ZNF280D: variants seen among roughly 807,000 people sequenced by gnomAD.
The protein encoded by ZNF280D is suppressor of hairy wing homolog 4.
Under a neutral mutation model 94.7 loss-of-function variants are expected in ZNF280D, and 39 were observed. The observed-to-expected ratio is 0.41, with a 90% CI of 0.32 to 0.54. The LOEUF is 0.54. ZNF280D is among the 20% of genes least tolerant of loss of function. The pLI is 0.22. For missense variants in ZNF280D, 1,090 were observed against 1,149.3 expected (o/e 0.95, Z 0.75); for synonymous variants, 398 against 377.6 (o/e 1.05, Z -0.63).
chr15:56,724,743 TAA>T, intron 1 of ZNF280D: 1 of 296,478 alleles, frequency 3.4e-6, no homozygotes, highest in East Asian at 8.6e-5. Context: ...AACACTACAA[TAA>T]AAGAAATCAA....
chr15:56,666,298 A>AG, intron 16 of ZNF280D, 97 bp downstream of exon 16: 1 of 1,321,674 alleles, frequency 7.6e-7, no homozygotes, highest in South Asian at 1.3e-5. Flanking sequence ...CTCCTTGAAG[A>AG]GAAAAACTGG....
chr15:56,636,404 T>C (rs2052351803), intron 20 of ZNF280D, among the ~76,000 whole-genome samples: 1 of 151,640 alleles, frequency 6.6e-6, no homozygotes, highest in Non-Finnish European at 1.5e-5. Flanking sequence ...GAAATCTAAA[T>C]GCTCCTTCCC....
At chr15:56,713,160 T>G (rs1596628464) in intron 1 of ZNF280D, among the ~76,000 whole-genome samples, 1 of 152,324 alleles carries the variant, frequency 6.6e-6, no homozygotes, top group East Asian at 1.9e-4. Context: ...CATACAAATG[T>G]TTTAATTGGG....
At chr15:56,674,991 A>G (rs1243257950) in intron 13 of ZNF280D, among the ~76,000 whole-genome samples, 3 of 152,024 alleles carry the variant, frequency 2.0e-5, no homozygotes, top group Non-Finnish European at 2.9e-5. Context: ...CCACTCAGCT[A>G]TGGTTTTCCA....
chr15:56,654,013 A>T, intron 19 of ZNF280D, 185 bp downstream of exon 19: 1 of 1,440,320 alleles, frequency 6.9e-7, no homozygotes, highest in Non-Finnish European at 9.1e-7. Flanking sequence ...GGAAATTCCA[A>T]CTTGTCTTGC....
intron 1 of ZNF280D, among the ~76,000 whole-genome samples, chr15:56,720,974 G>GGC (rs140166902): frequency 0.061 from 2,562 of 41,876 alleles, 143 homozygotes; most frequent in South Asian, 0.12. Flanking sequence ...TTTTTTTGGG[G>GGC]GGGGGGGGGA....
chr15:56,654,122 A>G, intron 19 of ZNF280D, 76 bp downstream of exon 19: 1 of 1,560,874 alleles, frequency 6.4e-7, no homozygotes, highest in Non-Finnish European at 8.6e-7. Flanking sequence ...TTTCATTCGT[A>G]TTAATGATAC....
chr15:56,677,493 G>A (rs920360142), intron 12 of ZNF280D, 81 bp downstream of exon 12: 77 of 957,422 alleles, frequency 8.0e-5, no homozygotes, highest in South Asian at 1.7e-4. Context: ...TTTGCTGACC[G>A]CTGGTCTAAT....
At position 56,632,056 on chromosome 15, in the gene ZNF280D, T is replaced by C. The variant is rs377603290; in HGVS notation, c.2382A>G (p.Ser794=). The change falls in exon 22 of 22, where the codon TCA becomes TCG. Residue 794 remains serine (S), a synonymous_variant. Coordinates refer to ENST00000267807, the MANE Select transcript of ZNF280D (RefSeq NM_017661.4). ...NGCNANSFEG[S]STTKSEESIT... ...TGCTTTCTTCACTTTTTGTTGTTGATGAGCCTTCAAATGAATTTGCATTAC... is the reference window on the plus strand; with the variant it reads ...TGCTTTCTTCACTTTTTGTTGTTGACGAGCCTTCAAATGAATTTGCATTAC... The C allele has an allele frequency of 4.3e-6, 7 of 1,610,804 alleles. No homozygotes were observed. The African/African-American group carries it at 9.4e-5, about 22-fold the overall frequency.
intron 16 of ZNF280D, among the ~76,000 whole-genome samples, chr15:56,665,065 C>T (rs534290984): frequency 6.6e-6 from 1 of 152,034 alleles, no homozygotes; most frequent in South Asian, 2.1e-4. Flanking sequence ...AATATATGAA[C>T]TTAAAAGTTG....
chr15:56,667,380 C>T (rs1333368653), intron 14 of ZNF280D, among the ~76,000 whole-genome samples: 3 of 152,022 alleles, frequency 2.0e-5, no homozygotes, highest in Non-Finnish European at 4.4e-5. Flanking sequence ...GCCTAAATTA[C>T]CCTTTAACAA....
intron 20 of ZNF280D, among the ~76,000 whole-genome samples, chr15:56,636,098 G>A (rs1004283431): frequency 3.0e-4 from 45 of 152,044 alleles, no homozygotes; most frequent in African/African-American, 9.7e-4. Context: ...TCTACTCACC[G>A]TCTCAAAACT....
chr15:56,666,230 T>C (rs2054277656), intron 16 of ZNF280D, among the ~76,000 whole-genome samples, 165 bp downstream of exon 16: 1 of 152,242 alleles, frequency 6.6e-6, no homozygotes, highest in African/African-American at 2.4e-5. Context: ...CTAGTTACTA[T>C]GCTGAGAAAT....
chr15:56,632,214 T>C, intron 21 of ZNF280D, 92 bp from the exon 22 acceptor site: 1 of 1,231,708 alleles, frequency 8.1e-7, no homozygotes, highest in East Asian at 2.6e-5. Flanking sequence ...AAATAAAAAG[T>C]CAAGGTACAT....
chr15:56,698,090 C>T lies in ZNF280D; in HGVS notation c.381+2843G>A, dbSNP rs1596546722. ...ACTTTGATACTATACCAAAACTGAA[C>T]AGTTGGTACTTTCTTAAAGGTTTGT... On this transcript the variant is annotated intron_variant, in intron 6 of 21. Coordinates refer to ENST00000267807, the MANE Select transcript of ZNF280D (RefSeq NM_017661.4). 3 of 152,260 alleles carry T rather than the reference C, an allele frequency of 2.0e-5. No individual in the cohort carries two copies. The East Asian group carries it at 5.8e-4, about 29-fold the overall frequency. 9.4% of individuals were successfully genotyped at this position (152,260 alleles called of 1,614,324 possible).
At chr15:56,702,354 T>TTTA (rs1414409873) in intron 4 of ZNF280D, among the ~76,000 whole-genome samples, 1 of 152,200 alleles carries the variant, frequency 6.6e-6, no homozygotes, top group Non-Finnish European at 1.5e-5. Flanking sequence ...TTCTTGCAGT[T>TTTA]TTATATAAAC....
chr15:56,633,303 T>C (rs2140491079), intron 21 of ZNF280D, among the ~76,000 whole-genome samples: 1 of 152,258 alleles, frequency 6.6e-6, no homozygotes, highest in East Asian at 1.9e-4. Flanking sequence ...CTTTAGACTA[T>C]TCCTAAACCA....
chr15:56,632,250 C>A, intron 21 of ZNF280D, 128 bp from the exon 22 acceptor site: 1 of 866,860 alleles, frequency 1.2e-6, no homozygotes, highest in Non-Finnish European at 1.7e-6. Flanking sequence ...GAAAACAGTC[C>A]AAGTTCCCAA....
chr15:56,702,067 C>A (rs1003189811), intron 4 of ZNF280D, among the ~76,000 whole-genome samples: 3 of 142,618 alleles, frequency 2.1e-5, no homozygotes, highest in South Asian at 2.3e-4. Flanking sequence ...ATAAAAATTT[C>A]TTTTATCTTC....
Sources: allele counts gnomAD v4.1 joint callset (sites outside exome capture counted in the v4.1 genomes callset), GRCh38; gene constraint gnomAD v4.1.1; transcripts MANE v1.5; gene names NCBI Gene and HGNC (gene_info 2026-07-23, HGNC 2026-07-21).